The following CDH13 variants were observed in gnomAD, a reference collection of about 807,000 sequenced individuals.
CDH13 encodes cadherin-13.
In CDH13, 24 loss-of-function variants were observed where a neutral mutation model predicts 63.8. That is an observed-to-expected ratio of 0.38 (90% confidence interval 0.27 to 0.53). CDH13 has a LOEUF of 0.53. Ranked by LOEUF, CDH13 falls within the 20% of genes least tolerant of loss-of-function variation. The pLI is 0.85. For missense variants in CDH13, 1,049 were observed against 903.1 expected, an observed-to-expected ratio of 1.16 and a Z score of -2.07; for synonymous variants, 503 against 355.3, an observed-to-expected ratio of 1.42 and a Z score of -4.67.
chr16:83,199,094 A>G (rs1022727994), intron 4 of CDH13, among the ~76,000 whole-genome samples: 3 of 152,236 alleles, frequency 2.0e-5, no homozygotes, highest in East Asian at 3.9e-4. Context: ...GCCCGGGTAC[A>G]TTTGCCTGGC....
intron 1 of CDH13, among the ~76,000 whole-genome samples, chr16:82,816,963 A>G (rs928946758): frequency 2.0e-5 from 3 of 152,080 alleles, no homozygotes; most frequent in African/African-American, 7.2e-5. Flanking sequence ...AAGAGAGGGA[A>G]AAACAGAGAC....
In CDH13 at chr16:83,613,839, A is replaced by AT. The variant is rs1364369751; in HGVS notation, c.1101+11245_1101+11246insT. On this transcript the variant is annotated intron_variant, in intron 8 of 13. Coordinates refer to ENST00000567109, the MANE Select transcript of CDH13 (RefSeq NM_001257.5). ...CAGAATGAGAGTCTGCCTCAAAAAA[A>AT]ATTTTTTTTAATTAATAAATAATAA... 9.9e-5 allele frequency among the ~76,000 whole-genome samples: 14 copies of AT among 141,790 alleles called. 2 individuals carry two copies. Among genetic ancestry groups the AT allele is most frequent in the Admixed American group, 4.8e-4 (7 of 14,444 alleles). 93.0% of individuals were successfully genotyped at this position (141,790 alleles called of 152,430 possible). A position where few individuals can be genotyped will look rare whatever the true frequency, so the allele number is the denominator to read the frequency against.
intron 2 of CDH13, among the ~76,000 whole-genome samples, chr16:83,014,529 T>G (rs960246281): frequency 6.6e-6 from 1 of 150,472 alleles, no homozygotes; most frequent in African/African-American, 2.4e-5. Context: ...AGGTCAGGAG[T>G]TGAAGACCAG....
chr16:83,283,861 G>C (rs1333220874), intron 5 of CDH13, among the ~76,000 whole-genome samples: 1 of 152,078 alleles, frequency 6.6e-6, no homozygotes, highest in Admixed American at 6.5e-5. Context: ...TATATCCAGA[G>C]TTGTAAGCTC....
intron 5 of CDH13, among the ~76,000 whole-genome samples, chr16:83,229,606 C>A (rs2039946491): frequency 6.6e-6 from 1 of 151,870 alleles, no homozygotes; most frequent in African/African-American, 2.4e-5. Context: ...GTTTTAAGAT[C>A]TTTATTATCC....
At chr16:83,416,455 G>A (rs1053676883) in intron 6 of CDH13, among the ~76,000 whole-genome samples, 2 of 152,150 alleles carry the variant, frequency 1.3e-5, no homozygotes, top group African/African-American at 2.4e-5. Flanking sequence ...GACTATATCT[G>A]TTTCTCTTTC....
At chr16:83,176,512 G>GAAAAAAAA (rs869250059) in intron 4 of CDH13, among the ~76,000 whole-genome samples, 5 of 71,782 alleles carry the variant, frequency 7.0e-5, no homozygotes, top group African/African-American at 2.3e-4. Flanking sequence ...TCCAGCTAGA[G>GAAAAAAAA]AAAAAAAAAA....
chr16:83,660,724 A>G (rs775184455), intron 8 of CDH13, among the ~76,000 whole-genome samples: 5 of 152,214 alleles, frequency 3.3e-5, no homozygotes, highest in African/African-American at 1.2e-4. Flanking sequence ...TTGAAAAGCC[A>G]TTCTTCCTCC....
At chr16:82,730,169 C>A (rs2033322833) in intron 1 of CDH13, among the ~76,000 whole-genome samples, 1 of 152,164 alleles carries the variant, frequency 6.6e-6, no homozygotes, top group African/African-American at 2.4e-5. Context: ...CTTTTTATTT[C>A]ATTCAAGAGC....
intron 7 of CDH13, among the ~76,000 whole-genome samples, chr16:83,538,823 A>G (rs1373679648): frequency 6.6e-6 from 1 of 152,210 alleles, no homozygotes; most frequent in African/African-American, 2.4e-5. Context: ...CAGCTTGGAT[A>G]CCTGGAAGTG....
Position 83,030,567 on chromosome 16 carries a change from C to T in CDH13, c.158-1443C>T, listed in dbSNP as rs750378643. On this transcript the variant is annotated intron_variant, in intron 2 of 13. Coordinates refer to ENST00000567109, the MANE Select transcript of CDH13 (RefSeq NM_001257.5). ...CTGAGACAGGAGAATCACTGGAACCCGGGAGGCAGAGGCTGCAGTCAGCCA... is the reference window on the plus strand; with the variant it reads ...CTGAGACAGGAGAATCACTGGAACCTGGGAGGCAGAGGCTGCAGTCAGCCA... Among the ~76,000 whole-genome samples the T allele has an allele frequency of 5.4e-5, 8 of 146,966 alleles. 1 individual carries two copies. The highest frequency in any genetic ancestry group is 4.2e-4 in the Admixed American group (6 of 14,368).
intron 2 of CDH13, among the ~76,000 whole-genome samples, chr16:82,921,545 A>AT (rs1021760611): frequency 2.6e-5 from 4 of 152,090 alleles, no homozygotes; most frequent in Non-Finnish European, 5.9e-5. Flanking sequence ...ATGCACAGAC[A>AT]TTTTTTTCCA....
chr16:83,162,321 A>C (rs2037483470), intron 4 of CDH13, among the ~76,000 whole-genome samples: 1 of 152,102 alleles, frequency 6.6e-6, no homozygotes, highest in Non-Finnish European at 1.5e-5. Flanking sequence ...TGCTTTCATG[A>C]TGATGAAAGC....
intron 1 of CDH13, among the ~76,000 whole-genome samples, chr16:82,718,194 G>A (rs899067240): frequency 1.3e-5 from 2 of 152,186 alleles, no homozygotes; most frequent in African/African-American, 4.8e-5. Context: ...AATCCCACTG[G>A]GGACTCTGGG....
chr16:83,662,463 T>C (rs1913524782), intron 8 of CDH13, among the ~76,000 whole-genome samples: 1 of 152,220 alleles, frequency 6.6e-6, no homozygotes, highest in African/African-American at 2.4e-5. Context: ...TTAAAAAGAA[T>C]CTCTGTGTTT....
At chr16:83,159,732 G>T in intron 4 of CDH13, among the ~76,000 whole-genome samples, 1 of 152,130 alleles carries the variant, frequency 6.6e-6, no homozygotes, top group East Asian at 1.9e-4. Flanking sequence ...ATAGCCGCCT[G>T]TCAAGCATAT....
intron 6 of CDH13, among the ~76,000 whole-genome samples, chr16:83,383,937 C>T (rs935560873): frequency 6.6e-6 from 1 of 152,104 alleles, no homozygotes. Flanking sequence ...AGCAATGATA[C>T]AGACACACAC....
chr16:83,217,203 G>C (rs2039562389), intron 4 of CDH13, 142 bp from the exon 5 acceptor site: 1 of 723,474 alleles, frequency 1.4e-6, no homozygotes, highest in Non-Finnish European at 2.3e-6. Context: ...TTCTGGTGCT[G>C]TTACTTTAGT....
intron 6 of CDH13, among the ~76,000 whole-genome samples, chr16:83,350,940 C>A (rs1465484328): frequency 1.3e-5 from 2 of 152,192 alleles, no homozygotes; most frequent in African/African-American, 2.4e-5. Flanking sequence ...CCGATCAAGT[C>A]GCCTTTGGGA....
Sources: allele counts gnomAD v4.1 joint callset (sites outside exome capture counted in the v4.1 genomes callset), GRCh38; gene constraint gnomAD v4.1.1; transcripts MANE v1.5; gene names NCBI Gene and HGNC (gene_info 2026-07-23, HGNC 2026-07-21).